SAMMSON: variants seen among roughly 807,000 people sequenced by gnomAD.
SAMMSON encodes the protein survival associated mitochondrial melanoma specific oncogenic non-coding RNA, also known as long intergenic non-protein coding RNA 1212.
intron 7 of SAMMSON, among the ~76,000 whole-genome samples, chr3:70,343,926 A>G (rs1702730533): frequency 6.7e-6 from 1 of 149,888 alleles, no homozygotes; most frequent in Admixed American, 6.7e-5. Context: ...ATATAATATA[A>G]TTTTATATTA....
At chr3:70,368,355 A>G (rs1438643040) in intron 9 of SAMMSON, among the ~76,000 whole-genome samples, 6 of 151,630 alleles carry the variant, frequency 4.0e-5, no homozygotes, top group African/African-American at 9.7e-5. Context: ...TATGAGCAGC[A>G]TGATGTCAAT....
chr3:70,011,013 G>A (rs965473186), intron 1 of SAMMSON, among the ~76,000 whole-genome samples: 1 of 152,092 alleles, frequency 6.6e-6, no homozygotes, highest in Non-Finnish European at 1.5e-5. Flanking sequence ...CATGGGGATT[G>A]TAGGGATTAC....
chr3:70,128,238 A>C (rs1268364744), intron 4 of SAMMSON, among the ~76,000 whole-genome samples: 2 of 152,132 alleles, frequency 1.3e-5, no homozygotes, highest in Non-Finnish European at 2.9e-5. Context: ...GAAGTGCCTC[A>C]ATTCCCCTTA....
intron 6 of SAMMSON, among the ~76,000 whole-genome samples, chr3:70,274,030 T>C (rs919774127): frequency 1.1e-4 from 17 of 150,990 alleles, no homozygotes; most frequent in African/African-American, 4.1e-4. Flanking sequence ...ATTAATATTA[T>C]AAATAAAAGT....
intron 4 of SAMMSON, among the ~76,000 whole-genome samples, chr3:70,234,946 G>C (rs890792515): frequency 2.6e-5 from 4 of 152,090 alleles, no homozygotes; most frequent in Non-Finnish European, 5.9e-5. Flanking sequence ...TGATTTATTT[G>C]GTCTGGAGTG....
chr3:70,015,737 C>T (rs1378714445), intron 3 of SAMMSON, among the ~76,000 whole-genome samples: 12 of 151,228 alleles, frequency 7.9e-5, no homozygotes, highest in East Asian at 1.9e-4. Context: ...CGACAGGCCC[C>T]GGTGTGTGAT....
chr3:70,074,255 A>C (rs949436108), intron 4 of SAMMSON, among the ~76,000 whole-genome samples: 2 of 152,112 alleles, frequency 1.3e-5, no homozygotes, highest in Non-Finnish European at 2.9e-5. Context: ...TTTAGATAAG[A>C]TACTAGAGCC....
At chr3:70,284,574 A>T (rs142207692) in intron 6 of SAMMSON, among the ~76,000 whole-genome samples, 32 of 152,324 alleles carry the variant, frequency 2.1e-4, no homozygotes, top group African/African-American at 7.7e-4. Flanking sequence ...GCCATAAAAA[A>T]GAATAAGATC....
chr3:70,409,680 C>G (rs1351250823), intron 2 of SAMMSON, among the ~76,000 whole-genome samples: 4 of 152,058 alleles, frequency 2.6e-5, no homozygotes, highest in African/African-American at 9.7e-5. Flanking sequence ...AATTAAGGCA[C>G]AATTGATATA....
intron 6 of SAMMSON, among the ~76,000 whole-genome samples, chr3:70,290,766 G>T (rs1313724895): frequency 6.6e-6 from 1 of 152,150 alleles, no homozygotes; most frequent in Non-Finnish European, 1.5e-5. Flanking sequence ...CTCGTGGTGC[G>T]CCGTTTTTTA....
intron 4 of SAMMSON, chr3:70,197,325 T>A (rs1270232280): frequency 2.5e-6 from 1 of 396,736 alleles, no homozygotes; most frequent in South Asian, 1.4e-4. Context: ...ACACCCTTCT[T>A]CTCTCAAGCT....
At chr3:70,364,723 T>C (rs1338222057) in intron 9 of SAMMSON, among the ~76,000 whole-genome samples, 2 of 151,906 alleles carry the variant, frequency 1.3e-5, no homozygotes. Flanking sequence ...TGTAATCTTC[T>C]TTTGCAGGAC....
chr3:70,154,019 A>AT (rs201170048), intron 4 of SAMMSON, among the ~76,000 whole-genome samples: 14 of 150,186 alleles, frequency 9.3e-5, no homozygotes, highest in African/African-American at 9.8e-5. Context: ...TTATCCTGCT[A>AT]TTTTTTTTCA....
At chr3:70,190,365 C>A (rs1390525964) in intron 4 of SAMMSON, among the ~76,000 whole-genome samples, 1 of 152,170 alleles carries the variant, frequency 6.6e-6, no homozygotes, top group Non-Finnish European at 1.5e-5. Flanking sequence ...CCTGGTCAAT[C>A]TTCCTCCTCC....
chr3:70,164,735 G>T (rs1412905880), intron 4 of SAMMSON, among the ~76,000 whole-genome samples: 3 of 152,008 alleles, frequency 2.0e-5, no homozygotes, highest in African/African-American at 7.2e-5. Flanking sequence ...GATAATAATA[G>T]AACCTACCAC....
intron 2 of SAMMSON, among the ~76,000 whole-genome samples, chr3:70,394,968 C>A (rs1701079094): frequency 6.6e-6 from 1 of 152,186 alleles, no homozygotes; most frequent in African/African-American, 2.4e-5. Flanking sequence ...TGAAATCATG[C>A]ATTAAAATAT....
At chr3:70,158,919 G>C (rs961518663) in intron 4 of SAMMSON, among the ~76,000 whole-genome samples, 1 of 151,742 alleles carries the variant, frequency 6.6e-6, no homozygotes, top group African/African-American at 2.4e-5. Flanking sequence ...TTTAATTGTA[G>C]GCAACTTGTA....
At chr3:70,022,648 G>A (rs1269906929) in intron 3 of SAMMSON, among the ~76,000 whole-genome samples, 1 of 152,100 alleles carries the variant, frequency 6.6e-6, no homozygotes, top group Admixed American at 6.6e-5. Context: ...ATGAAATAAA[G>A]TCCCTTTGGA....
At chr3:70,085,713 A>T (rs1475667402) in intron 4 of SAMMSON, among the ~76,000 whole-genome samples, 1 of 152,152 alleles carries the variant, frequency 6.6e-6, no homozygotes, top group Non-Finnish European at 1.5e-5. Flanking sequence ...TTGTTAGTAG[A>T]CTCAGTTTAA....
Sources: gnomAD v4.1 joint callset for allele counts (sites outside exome capture counted in the v4.1 genomes callset) on GRCh38, gnomAD v4.1.1 for gene constraint, MANE v1.5 for transcripts, NCBI Gene and HGNC (gene_info 2026-07-23, HGNC 2026-07-21) for gene names.